The following MTUS1 variants were observed in gnomAD, a reference collection of about 807,000 sequenced individuals.
MTUS1 encodes microtubule associated scaffold protein 1.
MTUS1 carries 109 observed loss-of-function variants against 120.8 expected under a neutral mutation model. That is an observed-to-expected ratio of 0.90 (90% confidence interval 0.77 to 1.06). The LOEUF (loss-of-function observed/expected upper bound fraction) is 1.06. Among genes scored for constraint, MTUS1 ranks in the 50% least tolerant of loss-of-function variants. The pLI is 0.00. For synonymous variants in MTUS1, 737 were observed against 550.5 expected, an observed-to-expected ratio of 1.34 and a Z score of -4.74; for missense variants, 2,210 against 1,486.3, an observed-to-expected ratio of 1.49 and a Z score of -8.01.
At position 17,721,994 on chromosome 8, in the gene MTUS1, G is replaced by T; in HGVS notation, c.2449+1678C>A. ...TTGCTCTTAGTGAATTCGAATGGAG[G>T]GAAAAAAAAAAAAATGCGTAAGCTC... is the stretch of plus-strand genomic sequence containing the variant. On this transcript the variant is annotated intron_variant, in intron 4 of 14. Transcript: ENST00000693296. The T allele has an allele frequency of 1.3e-5, 18 of 1,381,894 alleles. No individual in the cohort carries two copies. The South Asian group carries it at 3.6e-4, about 28-fold the overall frequency. 85.6% of individuals were successfully genotyped at this position (1,381,894 alleles called of 1,614,324 possible). A position where few individuals can be genotyped will look rare whatever the true frequency, so the allele number is the denominator to read the frequency against.
intron 6 of MTUS1, among the ~76,000 whole-genome samples, chr8:17,695,193 A>G (rs1010526388): frequency 6.6e-6 from 1 of 152,220 alleles, no homozygotes; most frequent in African/African-American, 2.4e-5. Flanking sequence ...TGATATTGGG[A>G]GTAAGCAGAA....
intron 4 of MTUS1, chr8:17,716,560 GT>G (rs200274115): frequency 0.031 from 4,989 of 160,580 alleles, 109 homozygotes; most frequent in Non-Finnish European, 0.048. Flanking sequence ...TTGTTTGTTT[GT>G]TTGTTTGTTT....
At chr8:17,670,314 T>C (rs1811753765) in intron 8 of MTUS1, among the ~76,000 whole-genome samples, 1 of 152,128 alleles carries the variant, frequency 6.6e-6, no homozygotes, top group Non-Finnish European at 1.5e-5. Flanking sequence ...AATAAATCTG[T>C]GTCACTGTTG....
At chr8:17,697,770 G>C (rs1030158251) in intron 6 of MTUS1, 2 of 982,018 alleles carry the variant, frequency 2.0e-6, no homozygotes, top group African/African-American at 1.7e-5. Flanking sequence ...TAATGTCACA[G>C]ATCCTGTAAC....
At chr8:17,714,084 T>C (rs912511346) in intron 5 of MTUS1, among the ~76,000 whole-genome samples, 3 of 151,716 alleles carry the variant, frequency 2.0e-5, no homozygotes, top group African/African-American at 7.3e-5. Context: ...GTGTGGATCA[T>C]GGGGCTTTAT....
At chr8:17,673,655 A>G (rs2130629216) in intron 8 of MTUS1, among the ~76,000 whole-genome samples, 1 of 152,200 alleles carries the variant, frequency 6.6e-6, no homozygotes, top group African/African-American at 2.4e-5. Flanking sequence ...GGGTCTTGCT[A>G]TATTGCTCAA....
At chr8:17,694,660 T>G (rs1817612465) in intron 6 of MTUS1, among the ~76,000 whole-genome samples, 1 of 151,496 alleles carries the variant, frequency 6.6e-6, no homozygotes, top group African/African-American at 2.4e-5. Context: ...AGAGCGAGAC[T>G]CCATCTAAAA....
At chr8:17,653,113 G>A in intron 12 of MTUS1, 73 bp downstream of exon 12, 1 of 791,942 alleles carries the variant, frequency 1.3e-6, no homozygotes, top group South Asian at 1.7e-5. Context: ...TCTGGCTGCT[G>A]AGTACTTGAA....
intron 1 of MTUS1, among the ~76,000 whole-genome samples, chr8:17,766,448 C>A (rs1362518656): frequency 2.0e-5 from 3 of 152,198 alleles, no homozygotes; most frequent in African/African-American, 7.2e-5. Context: ...ATAGGCAAAC[C>A]TCTCTCAGCA....
intron 2 of MTUS1, among the ~76,000 whole-genome samples, chr8:17,745,316 T>C (rs535068428): frequency 3.9e-5 from 6 of 152,342 alleles, no homozygotes; most frequent in African/African-American, 9.6e-5. Context: ...GCATATAACC[T>C]ATGTACATCC....
At chr8:17,704,930 C>G (rs758921763) in intron 6 of MTUS1, among the ~76,000 whole-genome samples, 4 of 152,156 alleles carry the variant, frequency 2.6e-5, no homozygotes, top group Admixed American at 1.3e-4. Flanking sequence ...AGAGTATGTG[C>G]TAATATAACC....
chr8:17,734,479 A>C (rs1357944500), intron 3 of MTUS1, among the ~76,000 whole-genome samples: 1 of 152,102 alleles, frequency 6.6e-6, no homozygotes, highest in Non-Finnish European at 1.5e-5. Context: ...CACAAAGGGA[A>C]GTTCTCACGA....
intron 8 of MTUS1, among the ~76,000 whole-genome samples, chr8:17,657,534 C>G (rs907992881): frequency 6.0e-5 from 9 of 150,442 alleles, no homozygotes; most frequent in Non-Finnish European, 1.3e-4. Context: ...CGCCACTGCA[C>G]TCCAGCCTGG....
intron 8 of MTUS1, among the ~76,000 whole-genome samples, chr8:17,664,632 C>T (rs370398176): frequency 6.6e-6 from 1 of 152,010 alleles, no homozygotes; most frequent in Non-Finnish European, 1.5e-5. Flanking sequence ...TTACACTTCT[C>T]GGGGTAAACA....
rs772008405 is a variant in MTUS1, at chr8:17,754,138, G to T, written c.1670C>A (p.Pro557Gln). ...TTTGTCTGCATTCAAGTCAGATCTC[G>T]GTGTTCTGCTCAAGACTGTTTGTTG... ...SRQQTVLSRT[P>Q]RSDLNADKKA... The change falls in exon 2 of 15, where the codon CCG becomes CAG. Residue 557 changes from proline (P) to glutamine (Q), a missense_variant. Physicochemically the swap from Pro to Gln is moderately conservative, Grantham distance 76. Coordinates refer to ENST00000693296, the MANE Select transcript of MTUS1 (RefSeq NM_001363059.2). 6 of 1,613,668 alleles carry T rather than the reference G, an allele frequency of 3.7e-6. No individual in the cohort carries two copies. In the East Asian group the frequency reaches 1.3e-4, roughly 36 times the overall value.
intron 1 of MTUS1, among the ~76,000 whole-genome samples, chr8:17,767,180 C>A (rs1205301629): frequency 1.2e-5 from 1 of 83,036 alleles, no homozygotes; most frequent in Non-Finnish European, 2.2e-5. Context: ...GTGATATCAT[C>A]CTCAGGGTAA....
chr8:17,738,017 G>T (rs1046040999), intron 3 of MTUS1, among the ~76,000 whole-genome samples: 1 of 152,288 alleles, frequency 6.6e-6, no homozygotes, highest in Middle Eastern at 3.4e-3. Flanking sequence ...AAATAACTTA[G>T]CAAGAAAGAA....
At chr8:17,705,476 T>A (rs1819973673) in intron 6 of MTUS1, among the ~76,000 whole-genome samples, 1 of 152,220 alleles carries the variant, frequency 6.6e-6, no homozygotes, top group Non-Finnish European at 1.5e-5. Context: ...AAAAAGGTAG[T>A]CACTGTCTCA....
At chr8:17,772,336 C>T in intron 1 of MTUS1, among the ~76,000 whole-genome samples, 1 of 152,148 alleles carries the variant, frequency 6.6e-6, no homozygotes. Context: ...TGTCCCAAAG[C>T]TACAGGTGAA....
Sources: gnomAD v4.1 joint callset for allele counts (sites outside exome capture counted in the v4.1 genomes callset) on GRCh38, gnomAD v4.1.1 for gene constraint, MANE v1.5 for transcripts, NCBI Gene and HGNC (gene_info 2026-07-23, HGNC 2026-07-21) for gene names.